MYO3B: variants seen among roughly 807,000 people sequenced by gnomAD.
The protein encoded by MYO3B is myosin-IIIb.
A neutral mutation model predicts 174.6 loss-of-function variants in MYO3B; 156 were observed. The observed-to-expected ratio is 0.89, with a 90% CI of 0.78 to 1.02. The LOEUF (loss-of-function observed/expected upper bound fraction) is 1.02. Among genes scored for constraint, MYO3B ranks in the 50% least tolerant of loss-of-function variants. The pLI is 0.00. For missense variants in MYO3B, 1,632 were observed against 1,639.4 expected, an observed-to-expected ratio of 1.00 and a Z score of 0.08; for synonymous variants, 563 against 569.1, an observed-to-expected ratio of 0.99 and a Z score of 0.15.
chr2:170,535,605 A>T (rs913511656), intron 30 of MYO3B, among the ~76,000 whole-genome samples: 3 of 152,206 alleles, frequency 2.0e-5, no homozygotes, highest in African/African-American at 7.2e-5. Context: ...CCAGATCAGG[A>T]TTTGTATCTG....
intron 7 of MYO3B, among the ~76,000 whole-genome samples, chr2:170,333,546 T>G (rs1324682497): frequency 1.3e-5 from 2 of 152,222 alleles, no homozygotes; most frequent in Non-Finnish European, 2.9e-5. Flanking sequence ...CCTTCTCATC[T>G]TATCCTTCCC....
chr2:170,298,630 C>T (rs891326752), intron 7 of MYO3B, among the ~76,000 whole-genome samples: 61 of 149,090 alleles, frequency 4.1e-4, no homozygotes, highest in Admixed American at 3.2e-3. Context: ...GCCGAGATCA[C>T]GCCACTGCTC....
intron 22 of MYO3B, among the ~76,000 whole-genome samples, chr2:170,441,208 T>G (rs2094798540): frequency 6.6e-6 from 1 of 152,266 alleles, no homozygotes; most frequent in Non-Finnish European, 1.5e-5. Context: ...TATAAAATTG[T>G]GAACGGACAT....
chr2:170,600,473 GTC>G (rs1159535905), intron 32 of MYO3B, among the ~76,000 whole-genome samples: 1 of 152,140 alleles, frequency 6.6e-6, no homozygotes, highest in East Asian at 1.9e-4. Flanking sequence ...AAGTTTAAGT[GTC>G]TTCCTTCCTC....
chr2:170,633,694 G>A (rs1404863391), intron 32 of MYO3B, among the ~76,000 whole-genome samples: 1 of 151,794 alleles, frequency 6.6e-6, no homozygotes, highest in African/African-American at 2.4e-5. Flanking sequence ...CCTGTTTGCA[G>A]ATGATTGTAT....
At chr2:170,645,468 CA>C (rs55720994) in intron 32 of MYO3B, among the ~76,000 whole-genome samples, 13,163 of 66,562 alleles carry the variant, frequency 0.2, 337 homozygotes, top group East Asian at 0.29. Flanking sequence ...GGCTCCGTCT[CA>C]AAAAAAAAAA....
chr2:170,469,459 T>C (rs1345936578), intron 25 of MYO3B, among the ~76,000 whole-genome samples: 1 of 152,164 alleles, frequency 6.6e-6, no homozygotes, highest in African/African-American at 2.4e-5. Flanking sequence ...TGCGTAACAG[T>C]TGTTAACCAT....
intron 7 of MYO3B, among the ~76,000 whole-genome samples, chr2:170,274,104 GAGAGA>G (rs2093445477): frequency 6.6e-6 from 1 of 151,028 alleles, no homozygotes; most frequent in African/African-American, 2.5e-5. Context: ...GAGAGAGAGA[GAGAGA>G]TCAAGACTGA....
At chr2:170,527,268 T>C (rs977880928) in intron 30 of MYO3B, among the ~76,000 whole-genome samples, 1 of 152,140 alleles carries the variant, frequency 6.6e-6, no homozygotes, top group Non-Finnish European at 1.5e-5. Context: ...GAAGAACTAT[T>C]ACAGGGAATA....
intron 23 of MYO3B, among the ~76,000 whole-genome samples, chr2:170,463,019 C>T (rs1684400461): frequency 6.6e-6 from 1 of 152,214 alleles, no homozygotes; most frequent in Admixed American, 6.5e-5. Context: ...AATCATTTCG[C>T]CTCATGGCCC....
chr2:170,382,191 T>C (rs1474111851), intron 10 of MYO3B, 79 bp downstream of exon 10: 2 of 1,179,798 alleles, frequency 1.7e-6, no homozygotes, highest in Non-Finnish European at 2.5e-6. Context: ...TTGTAGACCA[T>C]GTCCTCCTAA....
intron 7 of MYO3B, among the ~76,000 whole-genome samples, chr2:170,278,400 G>A (rs977411205): frequency 2.0e-5 from 3 of 152,062 alleles, no homozygotes; most frequent in African/African-American, 4.8e-5. Flanking sequence ...GGCAACAGCC[G>A]CAAGTTTTTG....
chr2:170,312,470 C>T (rs1479317479), intron 7 of MYO3B, among the ~76,000 whole-genome samples: 5 of 152,240 alleles, frequency 3.3e-5, no homozygotes, highest in Admixed American at 1.3e-4. Flanking sequence ...AAATCCCTGA[C>T]TAAATGTGAG....
At chr2:170,191,420 T>C (rs1466786764) in intron 1 of MYO3B, among the ~76,000 whole-genome samples, 2 of 152,058 alleles carry the variant, frequency 1.3e-5, no homozygotes, top group East Asian at 3.9e-4. Context: ...TTGCAGTCTT[T>C]GTGGCCTAGA....
intron 8 of MYO3B, among the ~76,000 whole-genome samples, chr2:170,362,519 C>T (rs1230065339): frequency 2.6e-5 from 4 of 152,204 alleles, no homozygotes; most frequent in African/African-American, 9.7e-5. Context: ...TTACTCATTT[C>T]AAAGGGAGAC....
rs751614144 is a variant in MYO3B at position 170,391,552 on chromosome 2, T to A, written c.1610T>A (p.Ile537Asn). 1 of 1,568,810 alleles carries A rather than the reference T, an allele frequency of 6.4e-7. No individual in the cohort carries two copies. Among genetic ancestry groups the A allele is most frequent in the Non-Finnish European group, 8.6e-7 (1 of 1,160,896 alleles). ...AAAAATTTTCATATATTTTACTATA[T>A]TTATGCTGGTCTTCATCACCAAAAG... ...REKNFHIFYY[I>N]YAGLHHQKKL... The change falls in exon 15 of 35, where the codon ATT becomes AAT. Residue 537 changes from isoleucine to asparagine, a missense_variant. Transcript: ENST00000408978.
intron 1 of MYO3B, among the ~76,000 whole-genome samples, chr2:170,186,875 C>A (rs1031903411): frequency 5.3e-5 from 8 of 151,898 alleles, no homozygotes; most frequent in Non-Finnish European, 1.0e-4. Flanking sequence ...AGGAACTTAC[C>A]CATTTATTCT....
At chr2:170,428,742 A>G (rs2105878066) in intron 22 of MYO3B, among the ~76,000 whole-genome samples, 1 of 152,310 alleles carries the variant, frequency 6.6e-6, no homozygotes, top group South Asian at 2.1e-4. Context: ...ATCTAGGTGA[A>G]GCTACATAGC....
At chr2:170,214,550 T>C (rs2092807445) in intron 4 of MYO3B, 67 bp downstream of exon 4, 1 of 1,502,284 alleles carries the variant, frequency 6.7e-7, no homozygotes, top group South Asian at 1.1e-5. Context: ...TGGGTCCTTA[T>C]TGCATATTAA....
Sources: allele counts gnomAD v4.1 joint callset (sites outside exome capture counted in the v4.1 genomes callset), GRCh38; gene constraint gnomAD v4.1.1; transcripts MANE v1.5; gene names NCBI Gene and HGNC (gene_info 2026-07-23, HGNC 2026-07-21).